USP7: variants seen among roughly 807,000 people sequenced by gnomAD.
USP7 encodes ubiquitin C-terminal hydrolase 7.
USP7 carries 9 observed loss-of-function variants against 162.9 expected under a neutral mutation model. That is an observed-to-expected ratio of 0.06 (90% CI 0.03 to 0.10). The LOEUF (loss-of-function observed/expected upper bound fraction) is 0.10. USP7 is among the 10% of genes least tolerant of loss of function. USP7 has a pLI of 1.00. For missense variants in USP7, 715 were observed against 1,373.7 expected (o/e 0.52, Z 7.58); for synonymous variants, 562 against 475.9 (o/e 1.18, Z -2.35).
rs756166131 is a variant in USP7, at chr16:8,898,527, A to ATACC, written c.2640_2640+3dup. ...CCCATAGTTACATTAATTTGGACTC[A>ATACC]TACCTGCTGATAGTAAAGTTTCTTA... On this transcript the variant is annotated splice_donor_region_variant and intron_variant, in intron 24 of 30. Transcript: ENST00000344836. The ATACC allele has an allele frequency of 1.2e-6, 2 of 1,608,748 alleles. No homozygotes were observed. The highest frequency in any genetic ancestry group is 1.1e-5 in the South Asian group (1 of 89,652).
intron 23 of USP7, 35 bp from the exon 24 acceptor site, chr16:8,898,674 G>T: frequency 6.7e-7 from 1 of 1,484,196 alleles, no homozygotes; most frequent in Non-Finnish European, 9.1e-7. Flanking sequence ...TAAATGACTT[G>T]TTTATTTGCC....
At chr16:8,952,681 C>G (rs913036082) in intron 1 of USP7, among the ~76,000 whole-genome samples, 2 of 152,160 alleles carry the variant, frequency 1.3e-5, no homozygotes, top group African/African-American at 2.4e-5. Context: ...TGCCATGTAA[C>G]GTAACATTTG....
At chr16:8,901,295 CAA>C in intron 18 of USP7, 61 bp from the exon 19 acceptor site, 2 of 1,008,652 alleles carry the variant, frequency 2.0e-6, no homozygotes, top group Non-Finnish European at 2.9e-6. Context: ...GCTTAAAAAA[CAA>C]AAAAACAAAC....
intron 1 of USP7, among the ~76,000 whole-genome samples, chr16:8,932,499 G>A (rs1012931042): frequency 2.6e-5 from 4 of 152,088 alleles, no homozygotes; most frequent in Admixed American, 2.6e-4. Context: ...CTGTGGAAGG[G>A]GGTTAAGGAA....
intron 12 of USP7, among the ~76,000 whole-genome samples, 176 bp from the exon 13 acceptor site, chr16:8,906,758 C>G (rs547032874): frequency 6.6e-6 from 1 of 152,052 alleles, no homozygotes; most frequent in Non-Finnish European, 1.5e-5. Flanking sequence ...AATAACTATT[C>G]CTAGTCAACA....
At position 8,963,397 on chromosome 16, in the gene USP7, C is replaced by A; in HGVS notation, c.-112G>T. On this transcript the variant is annotated 5_prime_UTR_variant, in exon 1 of 31. The change creates a new upstream start codon in the 5' untranslated region. Coordinates refer to ENST00000344836, the MANE Select transcript of USP7 (RefSeq NM_003470.3). ...GCGGCGGCGGCGGCGGGGCGGCCTC[C>A]TCCTCCTCCTCCCGCGCGTCGTCGG... 1 of 175,120 alleles carries A rather than the reference C, an allele frequency of 5.7e-6. No individual in the cohort carries two copies. The highest frequency in any genetic ancestry group is 1.7e-4 in the South Asian group (1 of 6,042). 10.8% of individuals were successfully genotyped at this position (175,120 alleles called of 1,614,324 possible).
chr16:8,957,496 T>C (rs9922395), intron 1 of USP7, among the ~76,000 whole-genome samples: 51,324 of 151,554 alleles, frequency 0.34, 10,427 homozygotes, highest in African/African-American at 0.57. Context: ...ATAATCCCAG[T>C]GCTTTGAGAG....
chr16:8,904,370 C>G (rs980154930), intron 15 of USP7, 65 bp downstream of exon 15: 1 of 1,593,146 alleles, frequency 6.3e-7, no homozygotes. Flanking sequence ...CTGACCTGCA[C>G]TTGTGTATAG....
intron 27 of USP7, 80 bp downstream of exon 27, chr16:8,895,562 C>CAA: frequency 8.4e-7 from 1 of 1,189,824 alleles, no homozygotes; most frequent in Non-Finnish European, 1.2e-6. Flanking sequence ...GCTACTTGTA[C>CAA]AACTTGCTGT....
intron 10 of USP7, among the ~76,000 whole-genome samples, chr16:8,911,982 G>C (rs901606789): frequency 1.3e-5 from 2 of 152,190 alleles, no homozygotes; most frequent in Non-Finnish European, 2.9e-5. Flanking sequence ...TGTGGGGACA[G>C]GTTATCCCTC....
At chr16:8,956,782 A>AC (rs1253512943) in intron 1 of USP7, among the ~76,000 whole-genome samples, 1 of 150,424 alleles carries the variant, frequency 6.6e-6, no homozygotes, top group South Asian at 2.1e-4. Flanking sequence ...AAAACAAAAA[A>AC]AAAAAAACAC....
At position 8,899,104 on chromosome 16, in the gene USP7, C is replaced by A. The variant is rs1268198334; in HGVS notation, c.2531+17G>T. ...CATGCAGTCAAGACCAAGCAAGTGTCCACACATGTGACCTACCCTTGAGAC... is the reference window on the plus strand; with the variant it reads ...CATGCAGTCAAGACCAAGCAAGTGTACACACATGTGACCTACCCTTGAGAC... On this transcript the variant is annotated intron_variant, in intron 23 of 30. Transcript: ENST00000344836. 1 of 1,613,736 alleles carries A rather than the reference C, an allele frequency of 6.2e-7. No individual in the cohort carries two copies. Among genetic ancestry groups the A allele is most frequent in the African/African-American group, 1.3e-5 (1 of 74,906 alleles).
chr16:8,915,354 AG>A lies in USP7; in HGVS notation c.988-11del. ...TACACTGGATATAGGACTGCAAATA[AG>A]GAAAGTAAAAGTGGTTTAACTAGTA... On this transcript the variant is annotated splice_polypyrimidine_tract_variant and intron_variant, in intron 9 of 30. Coordinates refer to ENST00000344836, the MANE Select transcript of USP7 (RefSeq NM_003470.3). The A allele has an allele frequency of 6.2e-7, 1 of 1,613,334 alleles. No homozygotes were observed.
rs142712886 is a variant in USP7, at chr16:8,903,394, T to G, written c.1713A>C (p.Ala571=). Residue 571 remains alanine, a synonymous_variant, in exon 16 of 31, where the codon GCA becomes GCC. Coordinates refer to ENST00000344836, the MANE Select transcript of USP7 (RefSeq NM_003470.3). ...CTTGGTGGCCACAAAACTGGTCCTC[T>G]GCGACTATCTGAAAATATGTATGAA... ...AHLYMQVQIV[A]EDQFCGHQGN... is the part of the protein sequence containing the mutation. 385 of 1,613,794 alleles carry G rather than the reference T, an allele frequency of 2.4e-4. No homozygotes were observed. The highest frequency in any genetic ancestry group is 8.2e-4 in the Middle Eastern group (5 of 6,062).
At chr16:8,963,154 G>T in intron 1 of USP7, 53 bp downstream of exon 1, 1 of 1,362,886 alleles carries the variant, frequency 7.3e-7, no homozygotes, top group Non-Finnish European at 9.6e-7. Flanking sequence ...GGCTCCCCCG[G>T]CCACAATGAA....
intron 1 of USP7, among the ~76,000 whole-genome samples, chr16:8,934,718 A>G (rs913272246): frequency 2.0e-4 from 30 of 152,226 alleles, no homozygotes; most frequent in African/African-American, 6.5e-4. Flanking sequence ...TCCACCTGAC[A>G]GGTGCAGAGA....
chr16:8,956,583 G>C (rs1198490748), intron 1 of USP7, among the ~76,000 whole-genome samples: 1 of 152,074 alleles, frequency 6.6e-6, no homozygotes, highest in African/African-American at 2.4e-5. Flanking sequence ...TGGGCAACAT[G>C]GTGAAACGCC....
At chr16:8,949,358 T>A (rs7192015) in intron 1 of USP7, among the ~76,000 whole-genome samples, 1 of 152,060 alleles carries the variant, frequency 6.6e-6, no homozygotes, top group African/African-American at 2.4e-5. Flanking sequence ...TTGGGTACTA[T>A]GTAGGGAAAA....
At chr16:8,913,111 C>T (rs1256213018) in intron 10 of USP7, among the ~76,000 whole-genome samples, 3 of 152,174 alleles carry the variant, frequency 2.0e-5, no homozygotes. Context: ...ATCCCAAAAT[C>T]TTGGGAGGCC....
Sources: gnomAD v4.1 joint callset for allele counts (sites outside exome capture counted in the v4.1 genomes callset) on GRCh38, gnomAD v4.1.1 for gene constraint, MANE v1.5 for transcripts, NCBI Gene and HGNC (gene_info 2026-07-23, HGNC 2026-07-21) for gene names.